Variants in FMN1 observed in about 807,000 individuals in gnomAD.
FMN1 encodes formin-1.
A neutral mutation model predicts 132.4 loss-of-function variants in FMN1; 110 were observed. The ratio of observed to expected loss-of-function variants is 0.83; its 90% confidence interval spans 0.71 to 0.97. The LOEUF is 0.97. Ranked by LOEUF, FMN1 falls within the 50% of genes least tolerant of loss-of-function variation. The probability of loss-of-function intolerance (pLI) is 0.00; values close to 1 mark genes in which losing one functional copy is unlikely to be tolerated. For missense variants in FMN1, 1,792 were observed against 1,705.3 expected (o/e 1.05, Z -0.90); for synonymous variants, 722 against 651.7 (o/e 1.11, Z -1.64).
At chr15:33,048,768 T>G (rs2036833669) in intron 6 of FMN1, among the ~76,000 whole-genome samples, 2 of 152,002 alleles carry the variant, frequency 1.3e-5, no homozygotes, top group Admixed American at 6.6e-5. Flanking sequence ...AGAGAGTTTG[T>G]GCAGGGAAAC....
chr15:33,175,740 CA>C (rs1378776974), intron 3 of FMN1, among the ~76,000 whole-genome samples: 6 of 152,270 alleles, frequency 3.9e-5, no homozygotes, highest in Admixed American at 3.9e-4. Context: ...TCCCATCCCA[CA>C]CACACACTTA....
intron 6 of FMN1, among the ~76,000 whole-genome samples, chr15:33,016,222 G>C (rs935380664): frequency 6.6e-6 from 1 of 152,178 alleles, no homozygotes; most frequent in Non-Finnish European, 1.5e-5. Flanking sequence ...ATCACTGACA[G>C]ATAAATACAA....
intron 4 of FMN1, among the ~76,000 whole-genome samples, chr15:33,115,533 G>C (rs2039891299): frequency 1.4e-5 from 2 of 146,104 alleles, no homozygotes; most frequent in Admixed American, 6.9e-5. Flanking sequence ...CAAACTTGCT[G>C]TCTTGCCAGC....
chr15:33,174,492 A>G (rs1459561536), intron 3 of FMN1, among the ~76,000 whole-genome samples: 3 of 152,226 alleles, frequency 2.0e-5, no homozygotes, highest in Non-Finnish European at 4.4e-5. Flanking sequence ...ATCTTCTTGA[A>G]AAGGCAAAGA....
intron 5 of FMN1, among the ~76,000 whole-genome samples, chr15:33,075,020 C>CAAAAAAAAAAAAAAAAAA (rs57504432): frequency 1.6e-5 from 1 of 61,662 alleles, no homozygotes; most frequent in Non-Finnish European, 2.8e-5. Flanking sequence ...GATTCCATCT[C>CAAAAAAAAAAAAAAAAAA]AAAAAAAAAA....
At chr15:32,928,504 C>A (rs1216706697) in intron 9 of FMN1, among the ~76,000 whole-genome samples, 1 of 152,162 alleles carries the variant, frequency 6.6e-6, no homozygotes, top group East Asian at 1.9e-4. Flanking sequence ...TTACATGTGC[C>A]TGGCATTGCT....
In FMN1 at chr15:32,900,181, A is replaced by G. The variant is rs775511443; in HGVS notation, c.3508-56T>C. ...CTGAACTCCAAATGCACCCATGTTC[A>G]TTCAGTAACAAATATCGACTGTGTA... On this transcript the variant is annotated intron_variant, in intron 13 of 20. Coordinates refer to ENST00000616417, the MANE Select transcript of FMN1 (RefSeq NM_001277313.2). The G allele has an allele frequency of 2.1e-5, 33 of 1,584,226 alleles. No individual in the cohort carries two copies. In the South Asian group the frequency reaches 2.4e-4, roughly 12 times the overall value.
chr15:33,127,930 G>A (rs891112939), intron 4 of FMN1, among the ~76,000 whole-genome samples: 2 of 75,870 alleles, frequency 2.6e-5, no homozygotes, highest in Non-Finnish European at 6.4e-5. Flanking sequence ...GGAAATAGAA[G>A]AAGAGGCAGC....
chr15:32,891,817 T>C (rs1334296397), intron 15 of FMN1, among the ~76,000 whole-genome samples: 1 of 152,154 alleles, frequency 6.6e-6, no homozygotes, highest in Non-Finnish European at 1.5e-5. Flanking sequence ...TATTTGCAGC[T>C]ATTGTAAAAG....
In FMN1 at chr15:32,908,543, C is replaced by G. The variant is rs1204121551; in HGVS notation, c.3324G>C (p.Lys1108Asn). ...CTTCTTCTTTGGATGTCTCGTAATA[C>G]TTTCTTATTTTAACCAGCTCATCCT... ...AQEDELVKIRKYYETSKEEEL... is the reference protein window; with the variant it reads ...AQEDELVKIRNYYETSKEEEL... Residue 1108 changes from lysine to asparagine, a missense_variant, in exon 12 of 21, where the codon AAG (lysine) becomes AAC (asparagine). Around this residue, in one of 3 missense-constraint regions of FMN1, gnomAD observed 1,150 missense variants for 1,043.1 expected, o/e 1.10. Transcript: ENST00000616417. The G allele has an allele frequency of 6.3e-7, 1 of 1,591,248 alleles. No homozygotes were observed. The highest frequency in any genetic ancestry group is 1.4e-5 in the African/African-American group (1 of 71,750).
At chr15:33,026,026 C>CTT (rs897697115) in intron 6 of FMN1, among the ~76,000 whole-genome samples, 19 of 152,080 alleles carry the variant, frequency 1.2e-4, no homozygotes, top group African/African-American at 4.6e-4. Context: ...AATGATATGG[C>CTT]TCTCAAAACT....
chr15:32,834,419 G>A (rs753983169), intron 17 of FMN1, among the ~76,000 whole-genome samples: 1 of 152,140 alleles, frequency 6.6e-6, no homozygotes, highest in Non-Finnish European at 1.5e-5. Flanking sequence ...TCCACCCTAC[G>A]TTAGCTCTGT....
chr15:33,048,644 A>AAAAAAAAAAAAAAAAAAAACAAAAAC lies in FMN1; in HGVS notation c.2161+16312_2161+16313insGTTTTTGTTTTTTTTTTTTTTTTTTT. 1.2e-3 allele frequency among the ~76,000 whole-genome samples: 107 copies of AAAAAAAAAAAAAAAAAAAACAAAAAC among 86,828 alleles called. 4 individuals are homozygous for AAAAAAAAAAAAAAAAAAAACAAAAAC. Among genetic ancestry groups the AAAAAAAAAAAAAAAAAAAACAAAAAC allele is most frequent in the African/African-American group, 2.2e-3 (53 of 24,306 alleles). The allele number at this position is 86,828 out of a possible 152,430, so 57.0% of individuals were successfully genotyped here. ...TGGGCAATTTACCAAAAAAAAAAAA[A>AAAAAAAAAAAAAAAAAAAACAAAAAC]AAAAACCAACAGTTTAATGGACTTA... is the stretch of plus-strand genomic sequence containing the variant. On this transcript the variant is annotated intron_variant, in intron 6 of 20. Transcript: ENST00000616417.
intron 17 of FMN1, 86 bp from the exon 18 acceptor site, chr15:32,804,418 A>T (rs2141005805): frequency 1.3e-5 from 2 of 154,828 alleles, no homozygotes. Flanking sequence ...CCCATTCATT[A>T]CCACAGGAGG....
At chr15:32,792,679 G>A (rs1227576616) in intron 19 of FMN1, among the ~76,000 whole-genome samples, 1 of 152,116 alleles carries the variant, frequency 6.6e-6, no homozygotes, top group East Asian at 1.9e-4. Context: ...ATGAGACTAA[G>A]TTCTGTCCAA....
At chr15:32,858,084 A>G (rs569317997) in intron 16 of FMN1, among the ~76,000 whole-genome samples, 6 of 152,380 alleles carry the variant, frequency 3.9e-5, no homozygotes, top group African/African-American at 1.4e-4. Context: ...CCTGGGGTTC[A>G]CAAAATAGAG....
At chr15:33,081,258 G>A (rs1237999354) in intron 5 of FMN1, among the ~76,000 whole-genome samples, 1 of 152,142 alleles carries the variant, frequency 6.6e-6, no homozygotes, top group Non-Finnish European at 1.5e-5. Context: ...TTGGCAGGCA[G>A]CAAACGGTTG....
chr15:33,128,575 T>A (rs1049494807), intron 4 of FMN1, among the ~76,000 whole-genome samples: 18 of 152,240 alleles, frequency 1.2e-4, no homozygotes, highest in African/African-American at 3.6e-4. Context: ...TTGCTTCCGA[T>A]GCGTTCGTGG....
chr15:32,813,129 T>C (rs1015445069), intron 17 of FMN1, among the ~76,000 whole-genome samples: 1 of 152,202 alleles, frequency 6.6e-6, no homozygotes, highest in African/African-American at 2.4e-5. Flanking sequence ...CTAGAGATGA[T>C]TTAAAGAATG....
Sources: gnomAD v4.1 joint callset for allele counts (sites outside exome capture counted in the v4.1 genomes callset) on GRCh38, gnomAD v4.1.1 for gene constraint, gnomAD v4.1.1 regional missense constraint, MANE v1.5 for transcripts, NCBI Gene and HGNC (gene_info 2026-07-23, HGNC 2026-07-21) for gene names.